HS3ST5: variants seen among roughly 807,000 people sequenced by gnomAD.
HS3ST5 encodes heparan sulfate glucosamine 3-O-sulfotransferase 5.
In HS3ST5, 10 loss-of-function variants were observed where a neutral mutation model predicts 25.4. The observed-to-expected ratio is 0.39, with a 90% CI of 0.24 to 0.67. HS3ST5 has a LOEUF of 0.67. Among genes scored for constraint, HS3ST5 ranks in the 30% least tolerant of loss-of-function variants. The pLI is 0.44. For synonymous variants in HS3ST5, 170 were observed against 162.4 expected (o/e 1.05, Z -0.36); for missense variants, 324 against 420.7 (o/e 0.77, Z 2.01).
At chr6:114,203,279 A>G (rs1781113412) in intron 2 of HS3ST5, among the ~76,000 whole-genome samples, 1 of 152,196 alleles carries the variant, frequency 6.6e-6, no homozygotes, top group Non-Finnish European at 1.5e-5. Context: ...TCTGGCTTCT[A>G]ACCTCACAAG....
At chr6:114,182,181 A>G (rs767507844) in intron 2 of HS3ST5, among the ~76,000 whole-genome samples, 4 of 152,128 alleles carry the variant, frequency 2.6e-5, no homozygotes, top group Non-Finnish European at 4.4e-5. Context: ...ATAATTATTT[A>G]TGAATATAAA....
chr6:114,185,817 C>T (rs1227021585), intron 2 of HS3ST5, among the ~76,000 whole-genome samples: 1 of 151,502 alleles, frequency 6.6e-6, no homozygotes, highest in African/African-American at 2.4e-5. Flanking sequence ...CCAGCTCACG[C>T]AGCCTCAAAC....
rs201073190 is a variant in HS3ST5, at chr6:114,062,841, A to G, written c.5T>C (p.Leu2Pro). 1.3e-4 allele frequency: 208 copies of G among 1,613,524 alleles called. No individual in the cohort carries two copies. Among genetic ancestry groups the G allele is most frequent in the Admixed American group, 1.8e-4 (11 of 60,000 alleles). The change falls in exon 4 of 5, where the codon CTA becomes CCA. Residue 2 changes from leucine to proline, a missense_variant. Coordinates refer to ENST00000312719, the MANE Select transcript of HS3ST5 (RefSeq NM_153612.4). The stretch of plus-strand genomic sequence containing the variant: ...TCTCAGCCACGCCTGCTGTTTGAAT[A>G]GCATGGCCCTCCATCAACCTTCAGG... MLFKQQAWLRQK... is the reference protein window; with the variant it reads MPFKQQAWLRQK...
chr6:114,231,069 T>C (rs1771567718), intron 1 of HS3ST5, among the ~76,000 whole-genome samples: 1 of 152,074 alleles, frequency 6.6e-6, no homozygotes. Flanking sequence ...GACTGGATCA[T>C]GGGGGTGGGT....
intron 3 of HS3ST5, among the ~76,000 whole-genome samples, chr6:114,080,746 A>G (rs1286048334): frequency 1.3e-5 from 2 of 152,154 alleles, no homozygotes; most frequent in African/African-American, 4.8e-5. Flanking sequence ...CCCATGGACA[A>G]AAACATAGGA....
At chr6:114,186,613 G>A (rs1780229055) in intron 2 of HS3ST5, among the ~76,000 whole-genome samples, 1 of 152,190 alleles carries the variant, frequency 6.6e-6, no homozygotes, top group Non-Finnish European at 1.5e-5. Context: ...AGGTGAAGCA[G>A]CAAATGTTGA....
At position 114,128,933 on chromosome 6, in the gene HS3ST5, AGCT is replaced by A. The variant is rs1410449874; in HGVS notation, c.-33+39415_-33+39417del. Among the ~76,000 whole-genome samples, 71 of 152,220 alleles carry A rather than the reference AGCT, an allele frequency of 4.7e-4. 1 individual carries two copies. The highest frequency in any genetic ancestry group is 1.2e-4 in the Non-Finnish European group (8 of 68,038). The stretch of plus-strand genomic sequence containing the variant: ...TGCTAAGGCTTGTCATTGTAGAAAA[AGCT>A]GCTGATAAATTCTCTTCATCTTTCT... On this transcript the variant is annotated intron_variant, in intron 3 of 4. Coordinates refer to ENST00000312719, the MANE Select transcript of HS3ST5 (RefSeq NM_153612.4).
At chr6:114,232,406 G>C (rs1473899350) in intron 1 of HS3ST5, among the ~76,000 whole-genome samples, 1 of 151,954 alleles carries the variant, frequency 6.6e-6, no homozygotes, top group Non-Finnish European at 1.5e-5. Flanking sequence ...GCCCAGGCTG[G>C]TCTCAAACTC....
chr6:114,080,147 A>T (rs369301856), intron 3 of HS3ST5, among the ~76,000 whole-genome samples: 1 of 152,198 alleles, frequency 6.6e-6, no homozygotes, highest in East Asian at 1.9e-4. Flanking sequence ...TGTAGAATGG[A>T]TATTGTAATA....
intron 1 of HS3ST5, among the ~76,000 whole-genome samples, chr6:114,248,068 T>G (rs2114613722): frequency 6.6e-6 from 1 of 151,294 alleles, no homozygotes; most frequent in Admixed American, 6.6e-5. Flanking sequence ...GGCATGGTGG[T>G]GCATGCCTGT....
chr6:114,276,576 C>A (rs1472196072), intron 1 of HS3ST5, among the ~76,000 whole-genome samples: 1 of 148,650 alleles, frequency 6.7e-6, no homozygotes, highest in African/African-American at 2.5e-5. Flanking sequence ...CCATGACCTG[C>A]TACAGCTAAA....
intron 1 of HS3ST5, among the ~76,000 whole-genome samples, chr6:114,275,462 G>A (rs1773811531): frequency 6.6e-6 from 1 of 151,922 alleles, no homozygotes; most frequent in Admixed American, 6.6e-5. Flanking sequence ...TGTGAAAAAG[G>A]GAATGATTTA....
At chr6:114,237,070 C>T (rs963019334) in intron 1 of HS3ST5, among the ~76,000 whole-genome samples, 1 of 152,132 alleles carries the variant, frequency 6.6e-6, no homozygotes, top group Non-Finnish European at 1.5e-5. Context: ...TCTTGACTTA[C>T]ATAAAATGAA....
At chr6:114,200,980 G>A (rs1048096752) in intron 2 of HS3ST5, among the ~76,000 whole-genome samples, 2 of 152,126 alleles carry the variant, frequency 1.3e-5, no homozygotes, top group African/African-American at 4.8e-5. Context: ...AGGCAAGCAG[G>A]CTTAACTCTA....
intron 3 of HS3ST5, among the ~76,000 whole-genome samples, chr6:114,130,375 G>A (rs1292434770): frequency 1.3e-5 from 2 of 152,096 alleles, no homozygotes; most frequent in Non-Finnish European, 2.9e-5. Flanking sequence ...TGAATAAAAA[G>A]CTTGTTTAAT....
At chr6:114,119,191 C>A (rs139121993) in intron 3 of HS3ST5, among the ~76,000 whole-genome samples, 1 of 152,226 alleles carries the variant, frequency 6.6e-6, no homozygotes, top group Non-Finnish European at 1.5e-5. Flanking sequence ...ATGCAAAGTG[C>A]CTGAGGGACG....
At chr6:114,069,849 C>A (rs1773697621) in intron 3 of HS3ST5, among the ~76,000 whole-genome samples, 1 of 151,910 alleles carries the variant, frequency 6.6e-6, no homozygotes, top group Non-Finnish European at 1.5e-5. Context: ...AAAATAATTT[C>A]AATTGTTTTG....
At chr6:114,091,444 G>T (rs953372700) in intron 3 of HS3ST5, among the ~76,000 whole-genome samples, 10 of 152,028 alleles carry the variant, frequency 6.6e-5, no homozygotes, top group African/African-American at 2.4e-4. Flanking sequence ...TTGGGAAGCC[G>T]AGGCGGGCAG....
chr6:114,267,356 A>C (rs546606727), intron 1 of HS3ST5, among the ~76,000 whole-genome samples: 1 of 152,318 alleles, frequency 6.6e-6, no homozygotes, highest in South Asian at 2.1e-4. Flanking sequence ...CATGACAAGA[A>C]GCACCAATAA....
Sources: gnomAD v4.1 joint callset for allele counts (sites outside exome capture counted in the v4.1 genomes callset) on GRCh38, gnomAD v4.1.1 for gene constraint, MANE v1.5 for transcripts, NCBI Gene and HGNC (gene_info 2026-07-23, HGNC 2026-07-21) for gene names.